JOSD1: variants seen among roughly 807,000 people sequenced by gnomAD.
JOSD1 encodes Josephin domain containing 1, also known as josephin-1.
In JOSD1, 11 loss-of-function variants were observed where a neutral mutation model predicts 24.3. That is an observed-to-expected ratio of 0.45 (90% CI 0.29 to 0.75). The LOEUF (loss-of-function observed/expected upper bound fraction) is 0.75. Ranked by LOEUF, JOSD1 falls within the 30% of genes least tolerant of loss-of-function variation. The pLI is 0.11. For missense variants in JOSD1, 184 were observed against 253.5 expected (o/e 0.73, Z 1.86); for synonymous variants, 106 against 93.8 (o/e 1.13, Z -0.75).
chr22:38,690,368 A>T (rs892607552), intron 2 of JOSD1, among the ~76,000 whole-genome samples: 14 of 151,876 alleles, frequency 9.2e-5, no homozygotes, highest in East Asian at 1.9e-4. Flanking sequence ...TATTTTTAAA[A>T]TTTTTCTGTG....
Position 38,687,341 on chromosome 22 carries a change from C to T in JOSD1, c.*561G>A, listed in dbSNP as rs1292230997. 1.3e-5 allele frequency: 2 copies of T among 152,642 alleles called. No homozygotes were observed. Among genetic ancestry groups the T allele is most frequent in the African/African-American group, 4.8e-5 (2 of 41,434 alleles). The allele number at this position is 152,642 out of a possible 1,614,324, so 9.5% of individuals were successfully genotyped here. ...CTCAAAAACAACAACAAAAAACCTC[C>T]ACGTATGGCCATAAACCACCCTTAA... On this transcript the variant is annotated 3_prime_UTR_variant, in exon 5 of 5. Coordinates refer to ENST00000683374, the MANE Select transcript of JOSD1 (RefSeq NM_001360236.2).
At chr22:38,695,952 A>C (rs1398598588) in intron 2 of JOSD1, among the ~76,000 whole-genome samples, 1 of 152,088 alleles carries the variant, frequency 6.6e-6, no homozygotes, top group East Asian at 1.9e-4. Context: ...GCTACTCAGG[A>C]GGCTGAGGCA....
At chr22:38,701,111 G>T, upstream of JOSD1, 1 of 415,194 alleles carries the variant, frequency 2.4e-6, no homozygotes, top group Non-Finnish European at 3.2e-6. Context: ...CGCCGGGCGT[G>T]TAGGGGCGCA....
chr22:38,690,191 G>T (rs1047800824), intron 2 of JOSD1, among the ~76,000 whole-genome samples: 3 of 152,080 alleles, frequency 2.0e-5, no homozygotes, highest in Non-Finnish European at 2.9e-5. Context: ...TTGAAGGAAG[G>T]GTTCAAGGGG....
chr22:38,688,791 G>A (rs1246885060), intron 4 of JOSD1, 144 bp downstream of exon 4: 4 of 779,852 alleles, frequency 5.1e-6, no homozygotes, highest in South Asian at 3.4e-5. Flanking sequence ...GGTCAGGTCC[G>A]AGACACTATG....
intron 2 of JOSD1, among the ~76,000 whole-genome samples, chr22:38,692,781 C>CAAAAAAA (rs61214432): frequency 4.4e-5 from 2 of 45,016 alleles, no homozygotes; most frequent in African/African-American, 7.7e-5. Context: ...AACTCTGTCT[C>CAAAAAAA]AAAAAAAAAA....
In JOSD1 at chr22:38,699,851, TG is replaced by T; in HGVS notation, c.136del (p.Gln46ArgfsTer24). The T allele has an allele frequency of 6.2e-7, 1 of 1,614,216 alleles. No homozygotes were observed. Among genetic ancestry groups the T allele is most frequent in the Non-Finnish European group, 8.5e-7 (1 of 1,180,024 alleles). On this transcript the variant is annotated frameshift_variant, in exon 2 of 5. Coordinates refer to ENST00000683374, the MANE Select transcript of JOSD1 (RefSeq NM_001360236.2). LOFTEE classifies it high-confidence loss of function. ...ATCCCGGGTGAAGGCATTGCTGTCCTGGAAGACGTTATTGAGGGCGTGGAGG... is the reference window on the plus strand; with the variant it reads ...ATCCCGGGTGAAGGCATTGCTGTCCTGAAGACGTTATTGAGGGCGTGGAGG... ...CALHALNNVF[Q>X]DSNAFTRDTL... is the part of the protein sequence containing the mutation.
chr22:38,689,204 G>A, intron 3 of JOSD1, 75 bp from the exon 4 acceptor site: 1 of 1,601,034 alleles, frequency 6.2e-7, no homozygotes, highest in Non-Finnish European at 8.5e-7. Context: ...ACCACAACTG[G>A]CTACCTCCCC....
chr22:38,690,357 G>A (rs1001064913), intron 2 of JOSD1, among the ~76,000 whole-genome samples: 1 of 151,956 alleles, frequency 6.6e-6, no homozygotes, highest in Non-Finnish European at 1.5e-5. Flanking sequence ...AAGAAATCTT[G>A]TATTTTTAAA....
intron 2 of JOSD1, among the ~76,000 whole-genome samples, chr22:38,691,380 A>C (rs900376078): frequency 6.0e-5 from 9 of 150,886 alleles, no homozygotes; most frequent in Admixed American, 3.3e-4. Flanking sequence ...AAAAAAAAAA[A>C]CCCACAGAAT....
At position 38,686,550 on chromosome 22, in the gene JOSD1, GC is replaced by G. The variant is rs1239065261; in HGVS notation, c.*1351del. ...TTTCCAAAGTTACAAGAGAAAAGTG[GC>G]CTACAACTATCTGAAGAGGTAGGGG... On this transcript the variant is annotated 3_prime_UTR_variant, in exon 5 of 5. Coordinates refer to ENST00000683374, the MANE Select transcript of JOSD1 (RefSeq NM_001360236.2). 6.6e-6 allele frequency: 1 copy of G among 152,232 alleles called. No individual in the cohort carries two copies. Among genetic ancestry groups the G allele is most frequent in the African/African-American group, 2.4e-5 (1 of 41,450 alleles). The allele number at this position is 152,232 out of a possible 1,614,324, so 9.4% of individuals were successfully genotyped here.
At chr22:38,697,747 C>T (rs1175413600) in intron 2 of JOSD1, among the ~76,000 whole-genome samples, 1 of 152,276 alleles carries the variant, frequency 6.6e-6, no homozygotes, top group African/African-American at 2.4e-5. Flanking sequence ...TGGGCAGCAA[C>T]AGAATCCATC....
Position 38,700,528 on chromosome 22 carries a change from C to T in JOSD1, c.-541G>A. 2 of 986,006 alleles carry T rather than the reference C, an allele frequency of 2.0e-6. No homozygotes were observed. Among genetic ancestry groups the T allele is most frequent in the Non-Finnish European group, 2.4e-6 (2 of 830,376 alleles). The allele number at this position is 986,006 out of a possible 1,614,324, so 61.1% of individuals were successfully genotyped here. ...GGGACCGCGAGCCGCGCGGGGGCCT[C>T]GGGGGCAGCCCTCCATCCCCTCGGG... On this transcript the variant is annotated 5_prime_UTR_variant, in exon 2 of 5. Transcript: ENST00000683374.
At position 38,699,822 on chromosome 22, in the gene JOSD1, G is replaced by A. The variant is rs766345737; in HGVS notation, c.166C>T (p.Leu56=). 1 of 1,614,208 alleles carries A rather than the reference G, an allele frequency of 6.2e-7. No individual in the cohort carries two copies. The highest frequency in any genetic ancestry group is 8.5e-7 in the Non-Finnish European group (1 of 1,180,026). ...QDSNAFTRDT[L]QEIFQRLSPN... ...CCCTACCTCTGGAAAATCTCTTGCA[G>A]CGTATCCCGGGTGAAGGCATTGCTG... The change falls in exon 2 of 5, where the codon CTG becomes TTG. Residue 56 remains leucine (L), a synonymous_variant. Coordinates refer to ENST00000683374, the MANE Select transcript of JOSD1 (RefSeq NM_001360236.2).
intron 2 of JOSD1, among the ~76,000 whole-genome samples, chr22:38,698,919 G>C (rs1425580230): frequency 1.3e-5 from 2 of 152,106 alleles, no homozygotes; most frequent in East Asian, 3.8e-4. Context: ...ACCACACCGG[G>C]CTAATTTTTG....
chr22:38,689,016 A>G lies in JOSD1; in HGVS notation c.428T>C (p.Val143Ala). The G allele has an allele frequency of 1.2e-6, 2 of 1,614,172 alleles. No individual in the cohort carries two copies. Among genetic ancestry groups the G allele is most frequent in the Non-Finnish European group, 1.7e-6 (2 of 1,180,038 alleles). Residue 143 changes from valine (V) to alanine (A), a missense_variant, in exon 4 of 5, where the codon GTT (valine) becomes GCT (alanine). Coordinates refer to ENST00000683374, the MANE Select transcript of JOSD1 (RefSeq NM_001360236.2). Reference sequence around the variant, plus strand: ...GTAGTAGGCCCCTCCCACCTCTCGAACACAGATCCAGTGCTGCCTTTTGAG... The same window carrying G: ...GTAGTAGGCCCCTCCCACCTCTCGAGCACAGATCCAGTGCTGCCTTTTGAG... ...LPLKRQHWIC[V>A]REVGGAYYNL...
intron 2 of JOSD1, among the ~76,000 whole-genome samples, chr22:38,696,052 G>A (rs970554343): frequency 2.6e-5 from 4 of 152,032 alleles, no homozygotes; most frequent in Non-Finnish European, 4.4e-5. Flanking sequence ...GCAAGACTCC[G>A]TCTCGGGTGG....
At chr22:38,695,118 T>C (rs903230556) in intron 2 of JOSD1, among the ~76,000 whole-genome samples, 1 of 152,186 alleles carries the variant, frequency 6.6e-6, no homozygotes, top group African/African-American at 2.4e-5. Context: ...CTTCCTGATG[T>C]TTCTAAATCA....
intron 2 of JOSD1, among the ~76,000 whole-genome samples, chr22:38,694,829 T>A (rs1603141990): frequency 1.6e-5 from 2 of 128,536 alleles, no homozygotes; most frequent in Admixed American, 1.9e-4. Context: ...GCCACTGCAA[T>A]CCAGCCTGGA....
Sources: allele counts gnomAD v4.1 joint callset (sites outside exome capture counted in the v4.1 genomes callset), GRCh38; gene constraint gnomAD v4.1.1; transcripts MANE v1.5; gene names NCBI Gene and HGNC (gene_info 2026-07-23, HGNC 2026-07-21).